The following SUGCT variants were observed in gnomAD, a reference collection of about 807,000 sequenced individuals.
The protein encoded by SUGCT is succinyl-CoA:glutarate-CoA transferase.
A neutral mutation model predicts 55.0 loss-of-function variants in SUGCT; 41 were observed. That is an observed-to-expected ratio of 0.74 (90% CI 0.58 to 0.97). The LOEUF (loss-of-function observed/expected upper bound fraction) is 0.97. Among genes scored for constraint, SUGCT ranks in the 50% least tolerant of loss-of-function variants. The probability of loss-of-function intolerance (pLI) is 0.00; values close to 1 mark genes in which losing one functional copy is unlikely to be tolerated. For missense variants in SUGCT, 568 were observed against 547.8 expected (o/e 1.04, Z -0.37); for synonymous variants, 187 against 200.4 (o/e 0.93, Z 0.56).
intron 6 of SUGCT, among the ~76,000 whole-genome samples, chr7:40,234,930 A>G (rs111339178): frequency 6.6e-6 from 1 of 152,282 alleles, no homozygotes; most frequent in African/African-American, 2.4e-5. Flanking sequence ...AAAAGAAAAA[A>G]AAAAGAAAAA....
chr7:40,200,397 G>T (rs970085137), intron 6 of SUGCT, among the ~76,000 whole-genome samples: 8 of 152,252 alleles, frequency 5.3e-5, no homozygotes, highest in Non-Finnish European at 1.0e-4. Context: ...CAGAGGAGGG[G>T]TTGCATGCTG....
rs1207273353 is a variant in SUGCT at position 40,657,578 on chromosome 7, G to A, written c.1090-91856G>A. 4.0e-5 allele frequency among the ~76,000 whole-genome samples: 6 copies of A among 151,830 alleles called. No individual in the cohort carries two copies. In the East Asian group the frequency reaches 5.8e-4, roughly 15 times the overall value. ...TGCAGTGGCGCAATCTCTGTCGCCC[G>A]GGCTGGGGTGCAATGGCGCAGTCTC... On this transcript the variant is annotated intron_variant, in intron 12 of 13. Transcript: ENST00000335693.
chr7:40,332,670 C>T (rs1168255560), intron 9 of SUGCT, among the ~76,000 whole-genome samples: 1 of 151,938 alleles, frequency 6.6e-6, no homozygotes, highest in Non-Finnish European at 1.5e-5. Context: ...GTGTAGACTG[C>T]AAAAGAATCT....
chr7:40,248,484 C>T (rs1484551697), intron 7 of SUGCT, among the ~76,000 whole-genome samples: 1 of 152,172 alleles, frequency 6.6e-6, no homozygotes, highest in East Asian at 1.9e-4. Context: ...CATTTAGTCT[C>T]TTTCCATTAT....
At chr7:40,716,931 T>C (rs554792573) in intron 12 of SUGCT, among the ~76,000 whole-genome samples, 1 of 152,164 alleles carries the variant, frequency 6.6e-6, no homozygotes, top group South Asian at 2.1e-4. Context: ...ATTTTAAAGA[T>C]GTTAAAATGC....
chr7:40,759,578 C>T (rs77874948), intron 13 of SUGCT, among the ~76,000 whole-genome samples: 2,023 of 151,722 alleles, frequency 0.013, 140 homozygotes, highest in East Asian at 0.091. Context: ...AATCTGTCCT[C>T]TTTTCTCTAT....
chr7:40,697,126 A>G (rs562460151), intron 12 of SUGCT, among the ~76,000 whole-genome samples: 1 of 152,224 alleles, frequency 6.6e-6, no homozygotes, highest in Non-Finnish European at 1.5e-5. Context: ...AAAAGTGTGT[A>G]TTCATATACT....
At chr7:40,974,114 G>C in the SUGCT span, among the ~76,000 whole-genome samples, 1 of 152,180 alleles carries the variant, frequency 6.6e-6, no homozygotes, top group Non-Finnish European at 1.5e-5. Flanking sequence ...ATGATGGAAG[G>C]AAAAGTCCAT....
the SUGCT span, among the ~76,000 whole-genome samples, chr7:40,906,803 AAGG>A: frequency 6.6e-6 from 1 of 152,196 alleles, no homozygotes; most frequent in Non-Finnish European, 1.5e-5. Flanking sequence ...AACTGGGAGA[AAGG>A]AGAGAGGAGA....
At chr7:40,905,530 C>T in the SUGCT span, among the ~76,000 whole-genome samples, 5 of 152,052 alleles carry the variant, frequency 3.3e-5, no homozygotes, top group Non-Finnish European at 5.9e-5. Context: ...ATTCATATAA[C>T]GCCATTTATT....
At chr7:40,202,318 A>G (rs895261108) in intron 6 of SUGCT, among the ~76,000 whole-genome samples, 1 of 152,152 alleles carries the variant, frequency 6.6e-6, no homozygotes, top group Non-Finnish European at 1.5e-5. Context: ...GTCTAATATC[A>G]AAACCTCAGA....
chr7:40,272,963 A>C (rs972847889), intron 7 of SUGCT, among the ~76,000 whole-genome samples: 1 of 152,078 alleles, frequency 6.6e-6, no homozygotes, highest in Non-Finnish European at 1.5e-5. Context: ...CCCAGCCTTT[A>C]GTGTAACTTT....
At chr7:40,394,957 AT>A (rs1785641535) in intron 9 of SUGCT, among the ~76,000 whole-genome samples, 2 of 152,180 alleles carry the variant, frequency 1.3e-5, no homozygotes, top group African/African-American at 2.4e-5. Context: ...TATCTTGGCT[AT>A]TTTGAATAAT....
chr7:40,478,532 T>A (rs969991069), intron 11 of SUGCT, among the ~76,000 whole-genome samples: 2 of 152,172 alleles, frequency 1.3e-5, no homozygotes, highest in African/African-American at 2.4e-5. Flanking sequence ...CTGGGTTTTT[T>A]AAAGGTGTAT....
rs549318071 is a variant in SUGCT at position 40,227,516 on chromosome 7, C to T, written c.485-10119C>T. On this transcript the variant is annotated intron_variant, in intron 6 of 13. Coordinates refer to ENST00000335693, the MANE Select transcript of SUGCT (RefSeq NM_001193313.2). ...AGTAGCTAGGACTACATGTGTGTGC[C>T]ACCACATCTGGCTAATTTTTAAATT... Among the ~76,000 whole-genome samples, 425 of 152,266 alleles carry T rather than the reference C, an allele frequency of 2.8e-3. 4 individuals carry two copies. Among genetic ancestry groups the T allele is most frequent in the African/African-American group, 9.4e-3 (391 of 41,560 alleles).
At chr7:40,941,487 CAT>C in the SUGCT span, among the ~76,000 whole-genome samples, 2 of 152,050 alleles carry the variant, frequency 1.3e-5, no homozygotes, top group African/African-American at 2.4e-5. Context: ...TGTGGCCTCT[CAT>C]ATAATCTATC....
intron 6 of SUGCT, among the ~76,000 whole-genome samples, chr7:40,236,317 C>T (rs1789006463): frequency 6.6e-6 from 1 of 151,506 alleles, no homozygotes; most frequent in Admixed American, 6.6e-5. Context: ...CTCCCAAAGT[C>T]CTGGGATTAT....
intron 13 of SUGCT, among the ~76,000 whole-genome samples, chr7:40,860,100 C>G (rs139648778): frequency 4.6e-5 from 7 of 152,158 alleles, no homozygotes; most frequent in African/African-American, 1.7e-4. Context: ...TGGTGATGAG[C>G]GAGTCAGATG....
At chr7:40,254,623 G>T (rs997892577) in intron 7 of SUGCT, among the ~76,000 whole-genome samples, 1 of 151,550 alleles carries the variant, frequency 6.6e-6, no homozygotes, top group Non-Finnish European at 1.5e-5. Context: ...TTGAACTCCT[G>T]ACCTAAAGTG....
Sources: allele counts gnomAD v4.1 joint callset (sites outside exome capture counted in the v4.1 genomes callset), GRCh38; gene constraint gnomAD v4.1.1; transcripts MANE v1.5; gene names NCBI Gene and HGNC (gene_info 2026-07-23, HGNC 2026-07-21).